The following UNC80 variants were observed in gnomAD, a reference collection of about 807,000 sequenced individuals.
UNC80 encodes protein unc-80 homolog.
In UNC80, 164 loss-of-function variants were observed where a neutral mutation model predicts 384.6. The observed-to-expected ratio is 0.43, with a 90% CI of 0.38 to 0.49. UNC80 has a LOEUF of 0.49. UNC80 is among the 20% of genes least tolerant of loss of function. The pLI is 0.00. For synonymous variants in UNC80, 1,486 were observed against 1,527.8 expected, an observed-to-expected ratio of 0.97 and a Z score of 0.64; for missense variants, 3,330 against 4,143.0, an observed-to-expected ratio of 0.80 and a Z score of 5.39.
At chr2:209,818,264 C>T (rs1014003530) in intron 11 of UNC80, among the ~76,000 whole-genome samples, 4 of 152,066 alleles carry the variant, frequency 2.6e-5, no homozygotes, top group South Asian at 4.1e-4. Flanking sequence ...GCTTCGATTC[C>T]CTCTATGAGA....
rs1380442591 is a variant in UNC80, at chr2:209,994,267, G to T, written c.9708+3G>T. On this transcript the variant is annotated splice_donor_region_variant and intron_variant, in intron 64 of 64. Transcript: ENST00000673920. ...TCCACAGCGTGTCTCCCAAGCAGGT[G>T]AGGGCACTAGAGAAACAGGCAAGGC... 2 of 1,544,904 alleles carry T rather than the reference G, an allele frequency of 1.3e-6. No individual in the cohort carries two copies. The highest frequency in any genetic ancestry group is 1.7e-6 in the Non-Finnish European group (2 of 1,143,852).
intron 7 of UNC80, among the ~76,000 whole-genome samples, chr2:209,801,659 G>A (rs535726333): frequency 1.5e-4 from 20 of 137,680 alleles, no homozygotes; most frequent in Admixed American, 8.3e-4. Context: ...GGGATTACAG[G>A]TGTGATCTAC....
At chr2:209,971,658 G>A (rs1255570923) in intron 54 of UNC80, among the ~76,000 whole-genome samples, 1 of 152,206 alleles carries the variant, frequency 6.6e-6, no homozygotes, top group African/African-American at 2.4e-5. Context: ...TGGGTAGATG[G>A]TAGAAAAGAG....
At chr2:209,809,641 C>T (rs557418578) in intron 7 of UNC80, 4 of 612,928 alleles carry the variant, frequency 6.5e-6, no homozygotes, top group East Asian at 2.8e-5. Context: ...CCAACAGCCT[C>T]CCCAAGCTCC....
intron 17 of UNC80, 86 bp from the exon 18 acceptor site, chr2:209,834,826 A>G: frequency 8.9e-7 from 1 of 1,123,682 alleles, no homozygotes; most frequent in South Asian, 1.3e-5. Flanking sequence ...TGTCTACAAC[A>G]GAGTGTTTTG....
chr2:209,848,602 G>A (rs2082316717), intron 21 of UNC80, among the ~76,000 whole-genome samples: 1 of 152,138 alleles, frequency 6.6e-6, no homozygotes, highest in African/African-American at 2.4e-5. Context: ...ACAAATCACA[G>A]ACATCATGTT....
Position 209,957,635 on chromosome 2 carries a change from T to C in UNC80, c.7458-9T>C. On this transcript the variant is annotated splice_polypyrimidine_tract_variant and intron_variant, in intron 48 of 64. Coordinates refer to ENST00000673920, the MANE Select transcript of UNC80 (RefSeq NM_001371986.1). ...TGTTTTGCTGTGGTGATTACTGTCA[T>C]TGTTACAGGCCCATGACAGCCCCAC... 1 of 1,549,626 alleles carries C rather than the reference T, an allele frequency of 6.5e-7. No homozygotes were observed. The highest frequency in any genetic ancestry group is 2.4e-5 in the East Asian group (1 of 40,902).
chr2:209,889,925 G>A (rs1559272723), intron 26 of UNC80, among the ~76,000 whole-genome samples: 1 of 152,104 alleles, frequency 6.6e-6, no homozygotes, highest in South Asian at 2.1e-4. Flanking sequence ...TAGCAAGGCT[G>A]GTCTCAAACT....
intron 56 of UNC80, among the ~76,000 whole-genome samples, chr2:209,975,117 A>G (rs1575193019): frequency 6.6e-6 from 1 of 152,200 alleles, no homozygotes; most frequent in Non-Finnish European, 1.5e-5. Context: ...AGGATTTTAG[A>G]GAATTGGATT....
At chr2:209,903,022 C>T (rs1235014371) in intron 28 of UNC80, among the ~76,000 whole-genome samples, 2 of 150,850 alleles carry the variant, frequency 1.3e-5, no homozygotes, top group Non-Finnish European at 2.9e-5. Flanking sequence ...GAGCAAGCCC[C>T]TGGTATAAAA....
chr2:209,799,131 T>C (rs2078372037), intron 7 of UNC80, among the ~76,000 whole-genome samples: 1 of 151,754 alleles, frequency 6.6e-6, no homozygotes, highest in Non-Finnish European at 1.5e-5. Flanking sequence ...GGTAGTTTGA[T>C]GGGAATAGCA....
At chr2:209,969,977 C>G in intron 53 of UNC80, 86 bp downstream of exon 53, 1 of 1,485,940 alleles carries the variant, frequency 6.7e-7, no homozygotes, top group Non-Finnish European at 9.0e-7. Context: ...TACAGGTCAA[C>G]CACTTTGTGC....
Position 209,793,864 on chromosome 2 carries a change from C to G in UNC80, c.938+5C>G. The G allele has an allele frequency of 6.2e-7, 1 of 1,613,738 alleles. No homozygotes were observed. The highest frequency in any genetic ancestry group is 8.5e-7 in the Non-Finnish European group (1 of 1,179,814). On this transcript the variant is annotated splice_donor_5th_base_variant and intron_variant, in intron 7 of 64. Transcript: ENST00000673920. ...AAGAGGCCCATCACATTCCAGGTACCTGATTGCAATGTTAGGGACAAAATG... is the reference window on the plus strand; with the variant it reads ...AAGAGGCCCATCACATTCCAGGTACGTGATTGCAATGTTAGGGACAAAATG...
chr2:209,842,830 T>C (rs2081865101), intron 21 of UNC80, among the ~76,000 whole-genome samples: 1 of 152,222 alleles, frequency 6.6e-6, no homozygotes, highest in African/African-American at 2.4e-5. Flanking sequence ...ACACTTCCAC[T>C]GAGGGGGAGT....
intron 45 of UNC80, 30 bp from the exon 46 acceptor site, chr2:209,945,021 C>A: frequency 6.5e-7 from 1 of 1,548,070 alleles, no homozygotes; most frequent in Non-Finnish European, 8.7e-7. Context: ...TGGTGGGAGT[C>A]AATAAACAAA....
rs868379708 is a variant in UNC80 at position 209,993,366 on chromosome 2, C to T, written c.9448C>T (p.Arg3150Cys). ...RQKTQTEPRN[R>C]QGARLSTTRR... ...GAAAACTCAGACTGAACCCAGAAATCGCCAAGGGGCTCGGCTGTCAACCAC... is the reference window on the plus strand; with the variant it reads ...GAAAACTCAGACTGAACCCAGAAATTGCCAAGGGGCTCGGCTGTCAACCAC... Residue 3150 changes from arginine to cysteine, a missense_variant, in exon 63 of 65, where the codon CGC becomes TGC. Arg to Cys is a radical substitution (Grantham distance 180). This residue lies in a region of UNC80 where 236 missense variants were observed against 254.9 expected (regional missense o/e 0.93). Transcript: ENST00000673920. 48 of 1,551,756 alleles carry T rather than the reference C, an allele frequency of 3.1e-5. No individual in the cohort carries two copies. The Middle Eastern group carries it at 6.7e-4, about 22-fold the overall frequency.
chr2:209,954,065 A>G (rs1410601605), intron 47 of UNC80, 35 bp from the exon 48 acceptor site: 1 of 1,530,584 alleles, frequency 6.5e-7, no homozygotes, highest in Non-Finnish European at 8.8e-7. Context: ...AGTAGAATGT[A>G]AAAGGTGACT....
chr2:209,903,436 A>G (rs2087685006), intron 28 of UNC80, among the ~76,000 whole-genome samples: 1 of 113,186 alleles, frequency 8.8e-6, no homozygotes. Context: ...ATTTATATAT[A>G]TACACATTAT....
chr2:209,987,161 G>T (rs2093306414), intron 61 of UNC80, among the ~76,000 whole-genome samples: 1 of 152,192 alleles, frequency 6.6e-6, no homozygotes, highest in Admixed American at 6.5e-5. Flanking sequence ...ACTTGCATGA[G>T]AATTTCCTTT....
Sources: allele counts gnomAD v4.1 joint callset (sites outside exome capture counted in the v4.1 genomes callset), GRCh38; gene constraint gnomAD v4.1.1; regional missense constraint gnomAD v4.1.1; transcripts MANE v1.5; gene names NCBI Gene and HGNC (gene_info 2026-07-23, HGNC 2026-07-21).